FAM117A: variants seen among roughly 807,000 people sequenced by gnomAD.
The protein encoded by FAM117A is family with sequence similarity 117 member A, also known as protein FAM117A.
FAM117A carries 21 observed loss-of-function variants against 44.1 expected under a neutral mutation model. The ratio of observed to expected loss-of-function variants is 0.48; its 90% CI spans 0.34 to 0.69. The LOEUF (loss-of-function observed/expected upper bound fraction) is 0.69, where lower values mean the gene tolerates loss of function less well. Among genes scored for constraint, FAM117A ranks in the 30% least tolerant of loss-of-function variants. FAM117A has a pLI of 0.01. For synonymous variants in FAM117A, 220 were observed against 238.3 expected, an observed-to-expected ratio of 0.92 and a Z score of 0.71; for missense variants, 498 against 589.9, an observed-to-expected ratio of 0.84 and a Z score of 1.61.
At chr17:49,755,993 T>G (rs1470827918) in intron 1 of FAM117A, among the ~76,000 whole-genome samples, 1 of 152,042 alleles carries the variant, frequency 6.6e-6, no homozygotes, top group Non-Finnish European at 1.5e-5. Flanking sequence ...AAACGTGAGG[T>G]GCCTACTCTT....
intron 1 of FAM117A, among the ~76,000 whole-genome samples, chr17:49,749,123 G>A (rs183450535): frequency 5.3e-5 from 8 of 152,242 alleles, no homozygotes; most frequent in South Asian, 2.1e-4. Context: ...ACAAACAATC[G>A]ACTGGTACGT....
At chr17:49,772,935 G>A (rs993557765) in intron 1 of FAM117A, among the ~76,000 whole-genome samples, 7 of 152,202 alleles carry the variant, frequency 4.6e-5, no homozygotes, top group South Asian at 2.1e-4. Context: ...ACTTTGGGAA[G>A]CCAAGGCAGG....
chr17:49,711,696 C>A, intron 7 of FAM117A, 141 bp from the exon 8 acceptor site: 1 of 716,574 alleles, frequency 1.4e-6, no homozygotes, highest in South Asian at 1.9e-5. Flanking sequence ...TGACCGAAAA[C>A]CAAGCCCCTC....
intron 1 of FAM117A, among the ~76,000 whole-genome samples, chr17:49,744,562 C>T (rs1424585274): frequency 2.0e-5 from 3 of 151,956 alleles, no homozygotes; most frequent in Non-Finnish European, 4.4e-5. Flanking sequence ...TCAAGCGATT[C>T]TCCTGCCTTG....
Position 49,718,009 on chromosome 17 carries a change from G to A in FAM117A, c.709-295C>T, listed in dbSNP as rs142731129. ...ATGTGTTGTCCCCATAAGACTATAAGCCTCATGAGGGCAGGGACCTTCTGT... is the reference window on the plus strand; with the variant it reads ...ATGTGTTGTCCCCATAAGACTATAAACCTCATGAGGGCAGGGACCTTCTGT... On this transcript the variant is annotated intron_variant, in intron 5 of 7. Coordinates refer to ENST00000240364, the MANE Select transcript of FAM117A (RefSeq NM_030802.4). 382 of 228,100 alleles carry A rather than the reference G, an allele frequency of 1.7e-3. 1 individual carries two copies. The highest frequency in any genetic ancestry group is 0.013 in the Middle Eastern group (9 of 690). 14.1% of individuals were successfully genotyped at this position (228,100 alleles called of 1,614,324 possible). A position where few individuals can be genotyped will look rare whatever the true frequency, so the allele number is the denominator to read the frequency against.
rs191826884 is a variant in FAM117A at position 49,764,097 on chromosome 17, G to A, written c.-10C>T. 6.1e-4 allele frequency: 716 copies of A among 1,168,382 alleles called. 1 individual carries two copies. In the African/African-American group the frequency reaches 7.3e-3, roughly 12 times the overall value. The allele number at this position is 1,168,382 out of a possible 1,614,324, so 72.4% of individuals were successfully genotyped here. ...CTGCGGCCCCCGCCATGGCTCTCCC[G>A]GCTGCCTGCCTCAGCCCCACTGCGA... is the stretch of plus-strand genomic sequence containing the variant. On this transcript the variant is annotated 5_prime_UTR_variant, in exon 1 of 8. Coordinates refer to ENST00000240364, the MANE Select transcript of FAM117A (RefSeq NM_030802.4).
At chr17:49,724,555 G>T (rs1394044166) in intron 2 of FAM117A, 5 of 450,538 alleles carry the variant, frequency 1.1e-5, no homozygotes, top group Non-Finnish European at 9.0e-6. Flanking sequence ...ATGTGAGGCT[G>T]GGGGTGGTGG....
At chr17:49,741,204 TTA>T (rs1181699369) in intron 1 of FAM117A, among the ~76,000 whole-genome samples, 1 of 152,176 alleles carries the variant, frequency 6.6e-6, no homozygotes, top group East Asian at 1.9e-4. Context: ...AACAAACAAG[TTA>T]TGAGTCATTT....
intron 1 of FAM117A, among the ~76,000 whole-genome samples, chr17:49,733,488 C>T (rs1006057237): frequency 6.6e-6 from 1 of 151,952 alleles, no homozygotes; most frequent in Non-Finnish European, 1.5e-5. Flanking sequence ...GCCTGGCTAA[C>T]ATGGTGAAAC....
chr17:49,738,218 C>T (rs1470931462), intron 1 of FAM117A, among the ~76,000 whole-genome samples: 2 of 152,122 alleles, frequency 1.3e-5, no homozygotes, highest in Non-Finnish European at 2.9e-5. Flanking sequence ...TGGTACTTTG[C>T]TCCCAGTACT....
upstream of FAM117A, among the ~76,000 whole-genome samples, chr17:49,764,666 T>C (rs2073739570): frequency 1.3e-5 from 2 of 152,232 alleles, no homozygotes; most frequent in South Asian, 4.1e-4. Context: ...TAAATCCTTA[T>C]AGGATCTCAG....
At chr17:49,776,667 G>C (rs1291872445) in intron 1 of FAM117A, among the ~76,000 whole-genome samples, 1 of 152,136 alleles carries the variant, frequency 6.6e-6, no homozygotes, top group Non-Finnish European at 1.5e-5. Context: ...GAGCAAGATG[G>C]GGAAAGCTGG....
upstream of FAM117A, among the ~76,000 whole-genome samples, chr17:49,765,871 A>G (rs1007517498): frequency 7.9e-5 from 12 of 152,204 alleles, no homozygotes; most frequent in African/African-American, 2.9e-4. Context: ...TCCTCATGAC[A>G]ATCTGGAAAA....
chr17:49,711,385 G>T lies in FAM117A; in HGVS notation c.1232C>A (p.Pro411Gln), dbSNP rs778130727. ...CPSNPGSPLP[P>Q]ASPRPPPRKD... ...CCGAGGTGGTGGCCTGGGGCTGGCC[G>T]GGGGAAGGGGAGATCCCGGGTTTGA... Residue 411 changes from proline to glutamine, a missense_variant, in exon 8 of 8, where the codon CCG becomes CAG. Coordinates refer to ENST00000240364, the MANE Select transcript of FAM117A (RefSeq NM_030802.4). 1 of 1,611,668 alleles carries T rather than the reference G, an allele frequency of 6.2e-7. No individual in the cohort carries two copies. The highest frequency in any genetic ancestry group is 1.7e-5 in the Admixed American group (1 of 59,812).
chr17:49,780,293 G>A (rs1383159512), intron 1 of FAM117A, among the ~76,000 whole-genome samples: 1 of 152,114 alleles, frequency 6.6e-6, no homozygotes, highest in East Asian at 1.9e-4. Flanking sequence ...ATCCTCCTGA[G>A]GTTGACTAGT....
At chr17:49,788,942 C>G (rs2073844561), upstream of FAM117A, 13 of 1,196,718 alleles carry the variant, frequency 1.1e-5, no homozygotes, top group South Asian at 2.1e-4. Flanking sequence ...GCTTGGGTCC[C>G]AACTTTCCGC....
intron 1 of FAM117A, among the ~76,000 whole-genome samples, chr17:49,773,036 T>C (rs2073765759): frequency 6.6e-6 from 1 of 152,106 alleles, no homozygotes; most frequent in Admixed American, 6.5e-5. Context: ...CCGGGCGTGG[T>C]GGCTCACAAC....
At chr17:49,733,968 G>A (rs1014872472) in intron 1 of FAM117A, among the ~76,000 whole-genome samples, 4 of 150,206 alleles carry the variant, frequency 2.7e-5, no homozygotes, top group Non-Finnish European at 5.9e-5. Flanking sequence ...CGGTGAAGCC[G>A]CGTCTCTACT....
At chr17:49,785,821 T>C (rs1195368429) in intron 1 of FAM117A, among the ~76,000 whole-genome samples, 1 of 152,152 alleles carries the variant, frequency 6.6e-6, no homozygotes, top group Admixed American at 6.6e-5. Flanking sequence ...TAAAATTTTA[T>C]TGAGGGTTAG....
Sources: gnomAD v4.1 joint callset for allele counts (sites outside exome capture counted in the v4.1 genomes callset) on GRCh38, gnomAD v4.1.1 for gene constraint, MANE v1.5 for transcripts, NCBI Gene and HGNC (gene_info 2026-07-23, HGNC 2026-07-21) for gene names.